Variants in SH3D21 observed in about 807,000 individuals in gnomAD.
The protein encoded by SH3D21 is SH3 domain-containing protein 21.
In SH3D21, 83 loss-of-function variants were observed where a neutral mutation model predicts 82.1. That is an observed-to-expected ratio of 1.01 (90% CI 0.85 to 1.21). The LOEUF is 1.21. Ranked by LOEUF, SH3D21 falls within the 50% of genes most tolerant of loss-of-function variation. The pLI is 0.00. For synonymous variants in SH3D21, 383 were observed against 387.8 expected, an observed-to-expected ratio of 0.99 and a Z score of 0.15; for missense variants, 980 against 962.1, an observed-to-expected ratio of 1.02 and a Z score of -0.25.
intron 9 of SH3D21, among the ~76,000 whole-genome samples, chr1:36,309,276 AAC>A (rs1646191018): frequency 1.3e-5 from 2 of 151,234 alleles, no homozygotes; most frequent in South Asian, 4.2e-4. Flanking sequence ...CACTCACTGC[AAC>A]CTCCCCCTCT....
downstream of SH3D21, chr1:36,327,976 C>A: frequency 1.2e-6 from 1 of 823,144 alleles, no homozygotes; most frequent in African/African-American, 1.8e-5. Flanking sequence ...ACCTGCTGTT[C>A]TGGCCCTCAT....
intron 8 of SH3D21, 28 bp from the exon 9 acceptor site, chr1:36,308,360 AC>A: frequency 1.3e-6 from 2 of 1,548,506 alleles, no homozygotes; most frequent in Non-Finnish European, 1.7e-6. Context: ...GACCTGGCTC[AC>A]CTCCCCACTG....
Position 36,306,737 on chromosome 1 carries a change from C to A in SH3D21, c.144C>A (p.Phe48Leu). The change falls in exon 2 of 16, where the codon TTC becomes TTA. Residue 48 changes from phenylalanine (F) to leucine (L), a missense_variant. Physicochemically the swap from Phe to Leu is conservative, Grantham distance 22 (BLOSUM62 0). Transcript: ENST00000453908. This position sits in a 1 kb window ranked among gnomAD's most constrained non-coding sequence, Gnocchi z 4.5. Reference protein sequence around the residue: ...RGEFGGRYGLFPERLVQEIPE... With the variant: ...RGEFGGRYGLLPERLVQEIPE... ...AGTTTGGGGGCCGCTATGGCCTCTT[C>A]CCCGAGCGCCTGGTGCAGGTGAGGC... The A allele has an allele frequency of 2.3e-6, 3 of 1,289,916 alleles. No individual in the cohort carries two copies. The highest frequency in any genetic ancestry group is 3.0e-6 in the Non-Finnish European group (3 of 986,814). 79.9% of individuals were successfully genotyped at this position (1,289,916 alleles called of 1,614,324 possible). A position where few individuals can be genotyped will look rare whatever the true frequency, so the allele number is the denominator to read the frequency against.
downstream of SH3D21, chr1:36,323,945 A>G (rs12116935): frequency 0.28 from 43,301 of 152,222 alleles, 7,426 homozygotes; most frequent in Middle Eastern, 0.45. Flanking sequence ...CGCAGATCAA[A>G]TAAACGGAGT....
Position 36,321,269 on chromosome 1 carries a change from G to A in SH3D21, c.*142G>A. ...GGTCGCTGGGGGCGGGGCCTGCGCG[G>A]GGGCAGGGCCTGGGCCTCCGCATTC... On this transcript the variant is annotated 3_prime_UTR_variant, in exon 16 of 16. Transcript: ENST00000453908. This position sits in a 1 kb window ranked among gnomAD's most constrained non-coding sequence, Gnocchi z 6.1. 6.8e-7 allele frequency: 1 copy of A among 1,460,486 alleles called. No homozygotes were observed. 90.5% of individuals were successfully genotyped at this position (1,460,486 alleles called of 1,614,324 possible).
chr1:36,327,703 A>G (rs1646559244), downstream of SH3D21: 5 of 1,202,200 alleles, frequency 4.2e-6, no homozygotes, highest in Non-Finnish European at 5.3e-6. Flanking sequence ...CATTAACCAG[A>G]GTGCTGTCTT....
At chr1:36,329,398 T>C (rs1646572914), downstream of SH3D21, among the ~76,000 whole-genome samples, 1 of 140,734 alleles carries the variant, frequency 7.1e-6, no homozygotes, top group Non-Finnish European at 1.5e-5. Flanking sequence ...CAATGTATAG[T>C]AGAATGCATA....
downstream of SH3D21, chr1:36,322,307 C>A: frequency 6.5e-7 from 1 of 1,539,478 alleles, no homozygotes; most frequent in South Asian, 1.2e-5. Context: ...AGTAATAGTG[C>A]ATGCGGCCCA....
In SH3D21 at chr1:36,308,439, A is replaced by AAC; in HGVS notation, c.690_691insAC (p.Val231ThrfsTer36). The AAC allele has an allele frequency of 6.4e-7, 1 of 1,551,772 alleles. No homozygotes were observed. The highest frequency in any genetic ancestry group is 8.7e-7 in the Non-Finnish European group (1 of 1,147,010). On this transcript the variant is annotated frameshift_variant, in exon 9 of 16. Transcript: ENST00000453908. LOFTEE classifies it high-confidence loss of function. ...AAGGAGAGTGTCAAGGACGAAGAGG[A>AAC]GTTTTTCCAGACAACTTTGTACTCC...
downstream of SH3D21, chr1:36,328,070 G>A (rs966920302): frequency 2.8e-5 from 13 of 461,544 alleles, no homozygotes; most frequent in Admixed American, 1.4e-4. Context: ...TCACCTGCCT[G>A]CTTGTTGACT....
chr1:36,323,074 G>A (rs1239695553), downstream of SH3D21: 2 of 1,591,388 alleles, frequency 1.3e-6, no homozygotes, highest in Non-Finnish European at 1.7e-6. Context: ...CAGCCTGCGA[G>A]GTCAGCAAAG....
downstream of SH3D21, chr1:36,322,722 T>A (rs1262923901): frequency 6.5e-7 from 1 of 1,545,202 alleles, no homozygotes; most frequent in African/African-American, 1.4e-5. Context: ...GCTCTCGGGG[T>A]TGGCTGCGGG....
rs1455993680 is a variant in SH3D21, at chr1:36,306,826, G to A, written c.163-16G>A. The A allele has an allele frequency of 6.2e-6, 8 of 1,295,190 alleles. No individual in the cohort carries two copies. The highest frequency in any genetic ancestry group is 7.1e-6 in the Non-Finnish European group (7 of 989,288). The allele number at this position is 1,295,190 out of a possible 1,614,324, so 80.2% of individuals were successfully genotyped here. On this transcript the variant is annotated splice_polypyrimidine_tract_variant and intron_variant, in intron 2 of 15. Transcript: ENST00000453908. The surrounding 1 kb of genome is among the most constrained non-coding windows in gnomAD (Gnocchi z 4.5). ...CCCGGGAGCTGAGAGCGCCTTCCCC[G>A]TGCCCTGATTCCCAGGAGATCCCAG...
chr1:36,317,777 T>C (rs1212177929), intron 10 of SH3D21, among the ~76,000 whole-genome samples: 2 of 152,216 alleles, frequency 1.3e-5, no homozygotes, highest in Admixed American at 1.3e-4. Flanking sequence ...TTGACCAGGC[T>C]GGTCCTGAAC....
chr1:36,321,718 T>C (rs184851370), downstream of SH3D21: 566 of 1,012,892 alleles, frequency 5.6e-4, 1 homozygote, highest in African/African-American at 7.4e-3. This position sits in a 1 kb window ranked among gnomAD's most constrained non-coding sequence, Gnocchi z 6.1. Context: ...GTGTGTGTCA[T>C]TGCAGTGTAT....
rs746043236 is a variant in SH3D21, at chr1:36,307,250, C to G, written c.310C>G (p.Leu104Val). Residue 104 changes from leucine to valine, a missense_variant, in exon 4 of 16, where the codon CTG becomes GTG. Coordinates refer to ENST00000453908, the MANE Select transcript of SH3D21 (RefSeq NM_001162530.2). This position sits in a 1 kb window ranked among gnomAD's most constrained non-coding sequence, Gnocchi z 5.4. ...YSPEQADELK[L>V]QAGEIVEMIK... ...CCCAGAGCAGGCGGACGAGCTGAAG[C>G]TGCAAGCTGGGGAGATCGTGGAAAT... 1 of 1,551,808 alleles carries G rather than the reference C, an allele frequency of 6.4e-7. No individual in the cohort carries two copies. The highest frequency in any genetic ancestry group is 1.2e-5 in the South Asian group (1 of 84,062).
chr1:36,322,506 G>C (rs757562480), downstream of SH3D21: 7 of 1,602,168 alleles, frequency 4.4e-6, no homozygotes, highest in African/African-American at 1.3e-5. Flanking sequence ...CTCGGGGCCC[G>C]GCAGCGTGTC....
In SH3D21 at chr1:36,307,082, A is replaced by C; in HGVS notation, c.227-85A>C. 6.5e-7 allele frequency: 1 copy of C among 1,532,032 alleles called. No individual in the cohort carries two copies. The highest frequency in any genetic ancestry group is 8.8e-7 in the Non-Finnish European group (1 of 1,136,498). 94.9% of individuals were successfully genotyped at this position (1,532,032 alleles called of 1,614,324 possible). A position where few individuals can be genotyped will look rare whatever the true frequency, so the allele number is the denominator to read the frequency against. On this transcript the variant is annotated intron_variant, in intron 3 of 15. Coordinates refer to ENST00000453908, the MANE Select transcript of SH3D21 (RefSeq NM_001162530.2). The surrounding 1 kb of genome is among the most constrained non-coding windows in gnomAD (Gnocchi z 5.4). The stretch of plus-strand genomic sequence containing the variant: ...CCCTGGGGCGGGGCTGGAGGGACCA[A>C]AGGCTACGTGCGCGCCTTGCGCTTC...
At chr1:36,323,029 G>A, downstream of SH3D21, 1 of 1,600,588 alleles carries the variant, frequency 6.2e-7, no homozygotes, top group Non-Finnish European at 8.5e-7. Flanking sequence ...CCCTTCGCGG[G>A]GCATCCATGC....
Sources: gnomAD v4.1 joint callset for allele counts (sites outside exome capture counted in the v4.1 genomes callset) on GRCh38, gnomAD v4.1.1 for gene constraint, Gnocchi (gnomAD v3.1) non-coding constraint, MANE v1.5 for transcripts, NCBI Gene and HGNC (gene_info 2026-07-23, HGNC 2026-07-21) for gene names.